Variants in COL19A1 observed in about 807,000 individuals in gnomAD.
COL19A1 encodes collagen alpha-1(XIX) chain.
In COL19A1, 159 loss-of-function variants were observed where a neutral mutation model predicts 190.2. The observed-to-expected ratio is 0.84, with a 90% CI of 0.73 to 0.95. The LOEUF (loss-of-function observed/expected upper bound fraction) is 0.95, where lower values mean the gene tolerates loss of function less well. Among genes scored for constraint, COL19A1 ranks in the 40% least tolerant of loss-of-function variants. COL19A1 has a pLI of 0.00. For missense variants in COL19A1, 1,418 were observed against 1,431.9 expected (o/e 0.99, Z 0.16); for synonymous variants, 509 against 458.9 (o/e 1.11, Z -1.39).
chr6:70,106,568 T>C (rs924870142), intron 16 of COL19A1, among the ~76,000 whole-genome samples: 2 of 152,240 alleles, frequency 1.3e-5, no homozygotes, highest in African/African-American at 4.8e-5. Context: ...TAGGACTTAT[T>C]TGAAATTTAT....
chr6:70,137,564 T>C (rs1785946715), intron 18 of COL19A1, 121 bp from the exon 19 acceptor site: 1 of 875,414 alleles, frequency 1.1e-6, no homozygotes, highest in Non-Finnish European at 1.8e-6. Context: ...GCATTGTCTG[T>C]TGGATGCTAA....
At chr6:69,877,665 T>C (rs1045528001) in intron 1 of COL19A1, among the ~76,000 whole-genome samples, 7 of 152,096 alleles carry the variant, frequency 4.6e-5, no homozygotes, top group African/African-American at 1.7e-4. Flanking sequence ...TTTAATAATA[T>C]GAATCATTGT....
chr6:70,039,233 C>G (rs1481130365), intron 14 of COL19A1, among the ~76,000 whole-genome samples: 1 of 152,138 alleles, frequency 6.6e-6, no homozygotes, highest in Non-Finnish European at 1.5e-5. Flanking sequence ...TGTGCAGGCA[C>G]GCTCGAGAAC....
At chr6:69,908,978 T>A (rs566989304) in intron 4 of COL19A1, among the ~76,000 whole-genome samples, 1 of 152,134 alleles carries the variant, frequency 6.6e-6, no homozygotes, top group South Asian at 2.1e-4. Flanking sequence ...GTGTTTCACA[T>A]GAGTTAAAAT....
At chr6:70,106,498 A>G (rs773733726) in intron 16 of COL19A1, among the ~76,000 whole-genome samples, 6 of 152,202 alleles carry the variant, frequency 3.9e-5, no homozygotes, top group Non-Finnish European at 8.8e-5. Flanking sequence ...TTTCATGGAA[A>G]GTCATGTATA....
intron 19 of COL19A1, among the ~76,000 whole-genome samples, chr6:70,138,517 A>G (rs889756442): frequency 7.2e-5 from 11 of 152,178 alleles, no homozygotes; most frequent in Non-Finnish European, 4.4e-5. Flanking sequence ...AAGAAAAGTA[A>G]TACATCTTAT....
intron 11 of COL19A1, among the ~76,000 whole-genome samples, chr6:70,019,247 T>C (rs569062015): frequency 2.0e-5 from 3 of 152,154 alleles, no homozygotes. Flanking sequence ...GGGATGAGAT[T>C]ACCCACTTTG....
intron 14 of COL19A1, 94 bp downstream of exon 14, chr6:70,036,033 G>A: frequency 8.1e-7 from 1 of 1,229,890 alleles, no homozygotes; most frequent in Non-Finnish European, 1.2e-6. Context: ...TTAAGTCACA[G>A]AGTTAAGAAT....
chr6:70,075,395 A>G (rs753966214), intron 15 of COL19A1, among the ~76,000 whole-genome samples: 8 of 152,238 alleles, frequency 5.3e-5, no homozygotes, highest in Non-Finnish European at 7.3e-5. Context: ...TGGATCAAAT[A>G]TAGTTACTGA....
chr6:70,023,477 G>C, intron 11 of COL19A1, 150 bp from the exon 12 acceptor site: 2 of 617,040 alleles, frequency 3.2e-6, no homozygotes, highest in South Asian at 4.4e-5. Flanking sequence ...TTGGTTTTAC[G>C]ACTCAGGATT....
intron 44 of COL19A1, among the ~76,000 whole-genome samples, chr6:70,181,577 C>T (rs963756831): frequency 1.3e-5 from 2 of 151,856 alleles, no homozygotes; most frequent in Non-Finnish European, 2.9e-5. Flanking sequence ...TTCTTGAGCA[C>T]CTCCTACATG....
chr6:70,115,825 G>GTTTTTTTTTT (rs57814985), intron 16 of COL19A1, among the ~76,000 whole-genome samples: 36 of 117,166 alleles, frequency 3.1e-4, no homozygotes, highest in Admixed American at 7.4e-4. Flanking sequence ...TTGGTGTTTT[G>GTTTTTTTTTT]TTTTTTTTTT....
At chr6:70,133,092 A>G (rs894454571) in intron 18 of COL19A1, among the ~76,000 whole-genome samples, 1 of 152,170 alleles carries the variant, frequency 6.6e-6, no homozygotes, top group African/African-American at 2.4e-5. Context: ...TCTCATTCTT[A>G]GCACCTGGTC....
intron 15 of COL19A1, among the ~76,000 whole-genome samples, chr6:70,074,958 TC>T (rs1310111576): frequency 1.3e-5 from 2 of 149,100 alleles, no homozygotes; most frequent in Non-Finnish European, 2.9e-5. Context: ...AAAAAAAGCA[TC>T]TTTTTTGCTT....
chr6:70,049,304 A>T (rs1780070703), intron 14 of COL19A1, among the ~76,000 whole-genome samples: 1 of 152,002 alleles, frequency 6.6e-6, no homozygotes, highest in African/African-American at 2.4e-5. Flanking sequence ...TAAAAAATCA[A>T]TCCTTTTTTT....
intron 15 of COL19A1, among the ~76,000 whole-genome samples, chr6:70,100,977 C>A (rs1484897692): frequency 1.3e-5 from 2 of 152,086 alleles, no homozygotes; most frequent in Non-Finnish European, 2.9e-5. Flanking sequence ...ACTGTTTCAA[C>A]TGGCATTTAG....
chr6:70,107,548 T>C (rs771351044), intron 16 of COL19A1, among the ~76,000 whole-genome samples: 1 of 152,198 alleles, frequency 6.6e-6, no homozygotes, highest in African/African-American at 2.4e-5. Context: ...CCACTGTTAT[T>C]ATTCTGAACA....
intron 44 of COL19A1, among the ~76,000 whole-genome samples, chr6:70,181,752 A>G (rs1477170055): frequency 6.6e-6 from 1 of 151,996 alleles, no homozygotes; most frequent in Non-Finnish European, 1.5e-5. Context: ...GGCTCAGAGA[A>G]AATTTGCCTG....
At chr6:69,902,862 G>A (rs1393861597) in intron 4 of COL19A1, among the ~76,000 whole-genome samples, 1 of 152,204 alleles carries the variant, frequency 6.6e-6, no homozygotes, top group Non-Finnish European at 1.5e-5. Context: ...TCTACGGTGA[G>A]GGGCTTGGAG....
Sources: gnomAD v4.1 joint callset for allele counts (sites outside exome capture counted in the v4.1 genomes callset) on GRCh38, gnomAD v4.1.1 for gene constraint, MANE v1.5 for transcripts, NCBI Gene and HGNC (gene_info 2026-07-23, HGNC 2026-07-21) for gene names.